The following SPSB4 variants were observed in gnomAD, a reference collection of about 807,000 sequenced individuals.
The protein encoded by SPSB4 is splA/ryanodine receptor domain and SOCS box containing 4.
SPSB4 carries 21 observed loss-of-function variants against 20.9 expected under a neutral mutation model. The ratio of observed to expected loss-of-function variants is 1.01; its 90% CI spans 0.71 to 1.45. SPSB4 has a LOEUF of 1.45. SPSB4 is among the 40% of genes most tolerant of loss of function. SPSB4 has a pLI of 0.00. For synonymous variants in SPSB4, 207 were observed against 183.8 expected (o/e 1.13, Z -1.02); for missense variants, 399 against 399.2 (o/e 1.00, Z 0.00).
At chr3:141,072,352 A>T (rs7630981) in intron 2 of SPSB4, among the ~76,000 whole-genome samples, 1 of 152,334 alleles carries the variant, frequency 6.6e-6, no homozygotes, top group East Asian at 1.9e-4. Context: ...TTTGTTTCCT[A>T]CAAATCTCGT....
chr3:141,071,880 A>G (rs1353057798), intron 2 of SPSB4, among the ~76,000 whole-genome samples: 2 of 152,252 alleles, frequency 1.3e-5, no homozygotes, highest in Admixed American at 1.3e-4. Context: ...GGCTGAGCAG[A>G]GGAGGCTGGC....
chr3:141,087,496 T>C lies in SPSB4; in HGVS notation c.694+20698T>C, dbSNP rs568483540. ...AGTATGGGGTAAAATGTCCAGCATG[T>C]GCTGGGGGAGCCCCCAGTTGTAGGG... On this transcript the variant is annotated intron_variant, in intron 2 of 2. Transcript: ENST00000310546. Among the ~76,000 whole-genome samples, 17 of 152,260 alleles carry C rather than the reference T, an allele frequency of 1.1e-4. No individual in the cohort carries two copies. The South Asian group carries it at 3.3e-3, about 30-fold the overall frequency.
Position 141,051,580 on chromosome 3 carries a change from C to G in SPSB4, c.-566C>G, listed in dbSNP as rs1407699960. The stretch of plus-strand genomic sequence containing the variant: ...TGCGCTCAGGGCGCTGGGGAAGACG[C>G]CCGGCGCGCCGGGGGCCAGCGGCCG... On this transcript the variant is annotated 5_prime_UTR_variant, in exon 1 of 3. Transcript: ENST00000310546. 1 of 151,230 alleles carries G rather than the reference C, an allele frequency of 6.6e-6. No homozygotes were observed. The highest frequency in any genetic ancestry group is 1.5e-5 in the Non-Finnish European group (1 of 67,632). The allele number at this position is 151,230 out of a possible 1,614,324, so 9.4% of individuals were successfully genotyped here.
chr3:141,131,388 C>A (rs1444990294), intron 2 of SPSB4, among the ~76,000 whole-genome samples: 3 of 151,978 alleles, frequency 2.0e-5, no homozygotes, highest in African/African-American at 7.2e-5. Context: ...ATGTAGACAG[C>A]ACACAAATCT....
intron 2 of SPSB4, among the ~76,000 whole-genome samples, chr3:141,070,890 A>T (rs902588505): frequency 6.6e-6 from 1 of 152,206 alleles, no homozygotes; most frequent in African/African-American, 2.4e-5. Context: ...AGGCAGGGAG[A>T]GAATGCGCAG....
At chr3:141,106,028 A>G (rs1938681863) in intron 2 of SPSB4, among the ~76,000 whole-genome samples, 1 of 152,318 alleles carries the variant, frequency 6.6e-6, no homozygotes, top group East Asian at 1.9e-4. Context: ...GCTATGGGCC[A>G]TTGGAAGGGA....
At chr3:141,105,840 T>C (rs1009202154) in intron 2 of SPSB4, among the ~76,000 whole-genome samples, 4 of 152,274 alleles carry the variant, frequency 2.6e-5, no homozygotes, top group Non-Finnish European at 5.9e-5. Context: ...AAAAATTTCT[T>C]TTCCATCTCC....
chr3:141,091,468 T>G (rs751568260), intron 2 of SPSB4, among the ~76,000 whole-genome samples: 17 of 152,364 alleles, frequency 1.1e-4, no homozygotes, highest in Non-Finnish European at 2.5e-4. Flanking sequence ...TAAGTGCTTT[T>G]CAACTTTTGA....
At chr3:141,105,884 G>A (rs993384052) in intron 2 of SPSB4, among the ~76,000 whole-genome samples, 2 of 152,154 alleles carry the variant, frequency 1.3e-5, no homozygotes, top group Non-Finnish European at 2.9e-5. Flanking sequence ...TCTTTTAGAT[G>A]AAATAAAGAT....
chr3:141,097,764 G>T (rs1938566808), intron 2 of SPSB4, among the ~76,000 whole-genome samples: 1 of 151,958 alleles, frequency 6.6e-6, no homozygotes, highest in African/African-American at 2.4e-5. Context: ...CAGAGCAAAA[G>T]GTCAGTGAGC....
intron 2 of SPSB4, among the ~76,000 whole-genome samples, chr3:141,129,041 A>G (rs918503331): frequency 1.2e-4 from 18 of 152,322 alleles, no homozygotes; most frequent in African/African-American, 4.3e-4. Flanking sequence ...TTGCTCTGCA[A>G]CAGTGTAGCT....
rs372247847 is a variant in SPSB4, at chr3:141,053,225, C to G, written c.-154+1233C>G. ...ACCCCCTTTCTGGCCCCCTGCCCCCCACCCGCGCAATTTGATGAGCTTAAG... is the reference window on the plus strand; with the variant it reads ...ACCCCCTTTCTGGCCCCCTGCCCCCGACCCGCGCAATTTGATGAGCTTAAG... On this transcript the variant is annotated intron_variant, in intron 1 of 2. Coordinates refer to ENST00000310546, the MANE Select transcript of SPSB4 (RefSeq NM_080862.3). Among the ~76,000 whole-genome samples the G allele has an allele frequency of 5.3e-5, 8 of 151,004 alleles. No homozygotes were observed. The East Asian group carries it at 9.7e-4, about 18-fold the overall frequency.
At chr3:141,135,722 T>G (rs1176714735) in intron 2 of SPSB4, among the ~76,000 whole-genome samples, 1 of 152,230 alleles carries the variant, frequency 6.6e-6, no homozygotes, top group Non-Finnish European at 1.5e-5. Context: ...TGTGCCATAT[T>G]TTCTTAATCC....
chr3:141,059,223 C>T (rs892296316), intron 1 of SPSB4, among the ~76,000 whole-genome samples: 1 of 152,162 alleles, frequency 6.6e-6, no homozygotes, highest in Non-Finnish European at 1.5e-5. Flanking sequence ...TGGAGCTCAC[C>T]CTCATGGACT....
intron 2 of SPSB4, among the ~76,000 whole-genome samples, chr3:141,137,845 T>G (rs893787961): frequency 6.6e-6 from 1 of 152,232 alleles, no homozygotes; most frequent in African/African-American, 2.4e-5. Context: ...GATGCTGGCC[T>G]CATAAAATGA....
At chr3:141,071,844 T>G (rs919778932) in intron 2 of SPSB4, among the ~76,000 whole-genome samples, 1 of 152,260 alleles carries the variant, frequency 6.6e-6, no homozygotes, top group Non-Finnish European at 1.5e-5. Context: ...TTAATTGATC[T>G]GCCAACAAGT....
chr3:141,101,900 A>T (rs970776951), intron 2 of SPSB4, among the ~76,000 whole-genome samples: 1 of 152,226 alleles, frequency 6.6e-6, no homozygotes, highest in Non-Finnish European at 1.5e-5. Flanking sequence ...AAGCATTTAG[A>T]GAGATGCTTG....
intron 2 of SPSB4, among the ~76,000 whole-genome samples, chr3:141,137,501 T>G (rs568359820): frequency 6.6e-6 from 1 of 152,356 alleles, no homozygotes; most frequent in African/African-American, 2.4e-5. Context: ...TATTTAGAGA[T>G]ATGTCCCATC....
At chr3:141,068,458 T>C (rs957204576) in intron 2 of SPSB4, among the ~76,000 whole-genome samples, 1 of 152,184 alleles carries the variant, frequency 6.6e-6, no homozygotes, top group Admixed American at 6.5e-5. Context: ...CTTTATTTAA[T>C]GGAATTGGAA....
Sources: allele counts gnomAD v4.1 joint callset (sites outside exome capture counted in the v4.1 genomes callset), GRCh38; gene constraint gnomAD v4.1.1; transcripts MANE v1.5; gene names NCBI Gene and HGNC (gene_info 2026-07-23, HGNC 2026-07-21).